DOCK4: variants seen among roughly 807,000 people sequenced by gnomAD.
DOCK4 encodes dedicator of cytokinesis protein 4.
Under a neutral mutation model 268.1 loss-of-function variants are expected in DOCK4, and 97 were observed. That is an observed-to-expected ratio of 0.36 (90% CI 0.31 to 0.43). The LOEUF (loss-of-function observed/expected upper bound fraction) is 0.43. Among genes scored for constraint, DOCK4 ranks in the 20% least tolerant of loss-of-function variants. The probability of loss-of-function intolerance (pLI) is 1.00; values close to 1 mark genes in which losing one functional copy is unlikely to be tolerated. For missense variants in DOCK4, 2,145 were observed against 2,455.7 expected (o/e 0.87, Z 2.67); for synonymous variants, 954 against 887.2 (o/e 1.08, Z -1.34).
chr7:111,816,458 A>G (rs146737500), intron 27 of DOCK4, among the ~76,000 whole-genome samples: 10 of 152,230 alleles, frequency 6.6e-5, no homozygotes, highest in African/African-American at 2.4e-4. Flanking sequence ...CTCAAACTTC[A>G]GCATGCATGA....
intron 3 of DOCK4, among the ~76,000 whole-genome samples, chr7:111,999,029 C>T (rs7792134): frequency 0.018 from 2,810 of 152,108 alleles, 84 homozygotes; most frequent in East Asian, 0.12. Flanking sequence ...CACCATGCTG[C>T]CATTCTGATG....
Position 112,185,257 on chromosome 7 carries a change from C to T in DOCK4, c.37+20845G>A, listed in dbSNP as rs541102908. Among the ~76,000 whole-genome samples, 7 of 152,250 alleles carry T rather than the reference C, an allele frequency of 4.6e-5. No homozygotes were observed. The South Asian group carries it at 1.5e-3, about 32-fold the overall frequency. ...ACTGCCTGGCAGGAGCTCGTTTGAT[C>T]CACTACTTGGTATGGACTATAAATT... On this transcript the variant is annotated intron_variant, in intron 1 of 52. Coordinates refer to ENST00000428084, the MANE Select transcript of DOCK4 (RefSeq NM_001363540.2).
intron 1 of DOCK4, among the ~76,000 whole-genome samples, chr7:112,018,659 G>T (rs1383501930): frequency 6.6e-6 from 1 of 151,814 alleles, no homozygotes; most frequent in East Asian, 1.9e-4. Flanking sequence ...TTATTTAAAA[G>T]AAACTTGAAA....
At chr7:112,187,259 C>T (rs1028096895) in intron 1 of DOCK4, among the ~76,000 whole-genome samples, 36 of 152,048 alleles carry the variant, frequency 2.4e-4, no homozygotes, top group African/African-American at 8.7e-4. Context: ...TTGCTGAAAA[C>T]ATTTCTCTTC....
intron 1 of DOCK4, among the ~76,000 whole-genome samples, chr7:112,073,123 T>C (rs1807753431): frequency 6.6e-6 from 1 of 151,996 alleles, no homozygotes; most frequent in Non-Finnish European, 1.5e-5. Context: ...CTTCCTTCCA[T>C]TCCTACTCAA....
chr7:112,053,620 C>T (rs550420279), intron 1 of DOCK4, among the ~76,000 whole-genome samples: 1 of 152,194 alleles, frequency 6.6e-6, no homozygotes, highest in African/African-American at 2.4e-5. Flanking sequence ...TGACAATACT[C>T]AACTTATAAA....
chr7:111,984,218 G>A, intron 7 of DOCK4, 88 bp downstream of exon 7: 1 of 1,190,714 alleles, frequency 8.4e-7, no homozygotes, highest in South Asian at 1.4e-5. Context: ...GGAACATCCT[G>A]TTCTTACAAA....
chr7:111,891,330 T>G (rs1263157974), intron 16 of DOCK4, among the ~76,000 whole-genome samples: 1 of 152,158 alleles, frequency 6.6e-6, no homozygotes, highest in Non-Finnish European at 1.5e-5. Context: ...GAACATACAG[T>G]TAAGCAATTT....
At chr7:112,045,765 G>C (rs1468885593) in intron 1 of DOCK4, among the ~76,000 whole-genome samples, 3 of 152,166 alleles carry the variant, frequency 2.0e-5, no homozygotes, top group African/African-American at 7.2e-5. Flanking sequence ...ATAGGCTGGT[G>C]AGAGCACACC....
intron 1 of DOCK4, among the ~76,000 whole-genome samples, chr7:112,118,644 C>T (rs1714354115): frequency 2.6e-5 from 4 of 152,236 alleles, no homozygotes; most frequent in South Asian, 4.1e-4. Context: ...TTTTTCCCTT[C>T]AGTAATATAG....
At chr7:111,946,797 G>C (rs1795660730) in intron 8 of DOCK4, among the ~76,000 whole-genome samples, 1 of 152,168 alleles carries the variant, frequency 6.6e-6, no homozygotes, top group Admixed American at 6.5e-5. Flanking sequence ...GGCCAGGCTG[G>C]TCTCGAACTC....
At chr7:112,068,223 T>C (rs1161008360) in intron 1 of DOCK4, among the ~76,000 whole-genome samples, 1 of 152,202 alleles carries the variant, frequency 6.6e-6, no homozygotes, top group Non-Finnish European at 1.5e-5. Flanking sequence ...AAAATCCTTC[T>C]GGGTCAGTTT....
chr7:111,901,531 A>C, intron 14 of DOCK4, 146 bp downstream of exon 14: 2 of 753,124 alleles, frequency 2.7e-6, no homozygotes, highest in East Asian at 5.9e-5. Context: ...AAAACTACAC[A>C]GGGGTGAAGG....
chr7:111,821,037 C>G (rs1474435399), intron 27 of DOCK4: 1 of 144,896 alleles, frequency 6.9e-6, no homozygotes, highest in African/African-American at 2.9e-5. Flanking sequence ...TTTCAACACT[C>G]TCAATCTTCA....
chr7:112,138,595 C>CAGGAAGT (rs939007813), intron 1 of DOCK4, among the ~76,000 whole-genome samples: 70 of 152,230 alleles, frequency 4.6e-4, no homozygotes, highest in African/African-American at 1.6e-3. Context: ...TTCCCAATTC[C>CAGGAAGT]AGGAAGTCAG....
chr7:112,104,416 T>A (rs1810957839), intron 1 of DOCK4, among the ~76,000 whole-genome samples: 1 of 152,102 alleles, frequency 6.6e-6, no homozygotes, highest in African/African-American at 2.4e-5. Flanking sequence ...AGCCCTCTAC[T>A]CTAACGGGAA....
At chr7:112,036,573 C>A (rs1357078030) in intron 1 of DOCK4, among the ~76,000 whole-genome samples, 6 of 151,450 alleles carry the variant, frequency 4.0e-5, no homozygotes, top group Non-Finnish European at 8.8e-5. Flanking sequence ...ACAAAGGGTA[C>A]GGATCTTAGG....
intron 1 of DOCK4, among the ~76,000 whole-genome samples, chr7:112,005,799 C>T (rs371966252): frequency 1.1e-3 from 160 of 152,306 alleles, no homozygotes; most frequent in African/African-American, 3.6e-3. Flanking sequence ...GGCTGCCTCC[C>T]GCACTTCTGG....
intron 1 of DOCK4, among the ~76,000 whole-genome samples, chr7:112,196,367 C>G (rs890334873): frequency 6.6e-6 from 1 of 152,190 alleles, no homozygotes. Flanking sequence ...AAAAACTACA[C>G]TATCCAGTAA....
Sources: gnomAD v4.1 joint callset for allele counts (sites outside exome capture counted in the v4.1 genomes callset) on GRCh38, gnomAD v4.1.1 for gene constraint, MANE v1.5 for transcripts, NCBI Gene and HGNC (gene_info 2026-07-23, HGNC 2026-07-21) for gene names.